The following CPOX variants were observed in gnomAD, a reference collection of about 807,000 sequenced individuals.
CPOX encodes oxygen-dependent coproporphyrinogen-III oxidase, mitochondrial.
Under a neutral mutation model 48.9 loss-of-function variants are expected in CPOX, and 24 were observed. The observed-to-expected ratio is 0.49, with a 90% CI of 0.36 to 0.69. The LOEUF (loss-of-function observed/expected upper bound fraction) is 0.69. Among genes scored for constraint, CPOX ranks in the 30% least tolerant of loss-of-function variants. The pLI is 0.00. For synonymous variants in CPOX, 249 were observed against 234.6 expected, an observed-to-expected ratio of 1.06 and a Z score of -0.56; for missense variants, 549 against 597.3, an observed-to-expected ratio of 0.92 and a Z score of 0.84.
chr3:98,588,787 A>G lies in CPOX; in HGVS notation c.879T>C (p.Ala293=). 6.2e-7 allele frequency: 1 copy of G among 1,614,218 alleles called. No homozygotes were observed. Among genetic ancestry groups the G allele is most frequent in the Non-Finnish European group, 8.5e-7 (1 of 1,180,020 alleles). ...CCTTCAGAGTTCTGTGAAAATGGAC[A>G]GCGTCTTCTTGATTCAAGTATGTTG... The part of the protein sequence containing the change: ...LTPTYLNQED[A]VHFHRTLKEA... The change falls in exon 4 of 7, where the codon GCT becomes GCC. Residue 293 remains alanine (A), a synonymous_variant. Coordinates refer to ENST00000647941, the MANE Select transcript of CPOX (RefSeq NM_000097.7).
downstream of CPOX, chr3:98,579,399 T>A: frequency 1.6e-6 from 1 of 618,510 alleles, no homozygotes; most frequent in Non-Finnish European, 2.0e-6. Context: ...CTAAGAAATA[T>A]ATGCGTTTTC....
the CPOX span, among the ~76,000 whole-genome samples, chr3:98,574,128 C>T: frequency 6.6e-6 from 1 of 152,218 alleles, no homozygotes; most frequent in Non-Finnish European, 1.5e-5. Flanking sequence ...AATACTGGTA[C>T]AGGTAGCTTG....
At chr3:98,574,318 G>A in the CPOX span, among the ~76,000 whole-genome samples, 1 of 152,150 alleles carries the variant, frequency 6.6e-6, no homozygotes, top group African/African-American at 2.4e-5. Context: ...CAGCAACGAT[G>A]GCTTGTCTTT....
the CPOX span, among the ~76,000 whole-genome samples, chr3:98,573,733 A>G: frequency 2.6e-5 from 4 of 152,254 alleles, no homozygotes; most frequent in African/African-American, 9.6e-5. Context: ...GAAGACCTTG[A>G]TAATGTATAA....
intron 1 of CPOX, among the ~76,000 whole-genome samples, chr3:98,592,251 G>T (rs956121835): frequency 2.0e-5 from 3 of 152,138 alleles, no homozygotes; most frequent in Admixed American, 2.0e-4. Context: ...TTCCAGCTAG[G>T]AAAAGTCAGG....
At chr3:98,577,573 T>A (rs185618926), downstream of CPOX, among the ~76,000 whole-genome samples, 354 of 151,972 alleles carry the variant, frequency 2.3e-3, 1 homozygote, top group African/African-American at 8.2e-3. Flanking sequence ...TGTGTGGAGG[T>A]TTTGAAGATG....
intron 1 of CPOX, 75 bp downstream of exon 1, chr3:98,592,874 A>G: frequency 4.7e-6 from 7 of 1,485,084 alleles, no homozygotes; most frequent in South Asian, 1.2e-5. Context: ...GTGAACTATT[A>G]TATTTTCTGT....
the CPOX span, among the ~76,000 whole-genome samples, chr3:98,571,305 G>A: frequency 6.6e-6 from 1 of 151,982 alleles, no homozygotes; most frequent in Non-Finnish European, 1.5e-5. Flanking sequence ...CTTTTCTTCA[G>A]TTTGCTTGGT....
intron 1 of CPOX, among the ~76,000 whole-genome samples, 157 bp downstream of exon 1, chr3:98,592,792 C>T (rs1436068133): frequency 6.6e-6 from 1 of 152,108 alleles, no homozygotes; most frequent in African/African-American, 2.4e-5. Flanking sequence ...CCTTTCGTGT[C>T]CATCTTTTTA....
chr3:98,580,588 C>T lies in CPOX; in HGVS notation c.*95G>A, dbSNP rs2229123. 3.6e-4 allele frequency: 580 copies of T among 1,594,668 alleles called. 2 individuals are homozygous for T. In the East Asian group the frequency reaches 1.0e-2, roughly 27 times the overall value. On this transcript the variant is annotated 3_prime_UTR_variant, in exon 7 of 7. Transcript: ENST00000647941. ...GTGCAGAGTGGAGAAGACTAAGGCACGGGTAACTGCCACACAGTGGCAAAG... is the reference window on the plus strand; with the variant it reads ...GTGCAGAGTGGAGAAGACTAAGGCATGGGTAACTGCCACACAGTGGCAAAG...
At position 98,591,148 on chromosome 3, in the gene CPOX, G is replaced by A. The variant is rs781006907; in HGVS notation, c.564C>T (p.Gly188=). The change falls in exon 2 of 7, where the codon GGC becomes GGT. Residue 188 remains glycine (G), a synonymous_variant. Coordinates refer to ENST00000647941, the MANE Select transcript of CPOX (RefSeq NM_000097.7). ...VDRWERKEGG[G]GISCVLQDGC... is the part of the protein sequence containing the mutation. ...CATCTTGAAGTACACAGCTGATGCC[G>A]CCACCTCCTGTGTATAGAAATGTAA... The A allele has an allele frequency of 5.6e-6, 9 of 1,613,952 alleles. No homozygotes were observed. The highest frequency in any genetic ancestry group is 2.2e-5 in the South Asian group (2 of 91,082).
Sources: gnomAD v4.1 joint callset for allele counts (sites outside exome capture counted in the v4.1 genomes callset) on GRCh38, gnomAD v4.1.1 for gene constraint, MANE v1.5 for transcripts, NCBI Gene and HGNC (gene_info 2026-07-23, HGNC 2026-07-21) for gene names.